The following TAS2R1 variants were observed in gnomAD, a reference collection of about 807,000 sequenced individuals.
TAS2R1 encodes the protein taste receptor type 2 member 1.
For missense variants in TAS2R1, 370 were observed against 353.4 expected (o/e 1.05, Z -0.38); for synonymous variants, 141 against 134.2 (o/e 1.05, Z -0.35).
At chr5:9,655,634 T>C (rs1740402153) in intron 2 of TAS2R1, among the ~76,000 whole-genome samples, 1 of 152,102 alleles carries the variant, frequency 6.6e-6, no homozygotes, top group Admixed American at 6.5e-5. Flanking sequence ...GGCTAATATA[T>C]CTCTAATGTA....
At chr5:9,726,504 T>C in the TAS2R1 span, among the ~76,000 whole-genome samples, 1 of 152,284 alleles carries the variant, frequency 6.6e-6, no homozygotes, top group Non-Finnish European at 1.5e-5. Flanking sequence ...GCAATAAATC[T>C]TGCTGCTGCT....
chr5:9,688,648 G>C (rs1270415595), intron 1 of TAS2R1, among the ~76,000 whole-genome samples: 1 of 152,112 alleles, frequency 6.6e-6, no homozygotes, highest in African/African-American at 2.4e-5. Flanking sequence ...GGCCTCCAAA[G>C]TGTCCCCAGC....
At chr5:9,899,436 A>C in the TAS2R1 span, among the ~76,000 whole-genome samples, 1 of 152,272 alleles carries the variant, frequency 6.6e-6, no homozygotes, top group Non-Finnish European at 1.5e-5. Flanking sequence ...CAGGAGTTCA[A>C]GACCAGCCTA....
the TAS2R1 span, among the ~76,000 whole-genome samples, chr5:9,815,341 G>A: frequency 2.6e-5 from 4 of 152,272 alleles, no homozygotes; most frequent in South Asian, 8.3e-4. Context: ...CTGAAGTCTT[G>A]GGCTTAGATG....
the TAS2R1 span, among the ~76,000 whole-genome samples, chr5:9,893,381 T>C: frequency 6.6e-6 from 1 of 152,136 alleles, no homozygotes; most frequent in African/African-American, 2.4e-5. Context: ...TCCATGAGTC[T>C]TTCAGTCTGT....
At chr5:9,896,276 T>G in the TAS2R1 span, among the ~76,000 whole-genome samples, 1 of 152,170 alleles carries the variant, frequency 6.6e-6, no homozygotes, top group African/African-American at 2.4e-5. Context: ...CTAATAGTAT[T>G]TGTTTAGTAA....
rs145857461 is a variant in TAS2R1, at chr5:9,629,854, A to C, written c.179T>G (p.Leu60Trp). 9 of 1,613,486 alleles carry C rather than the reference A, an allele frequency of 5.6e-6. No individual in the cohort carries two copies. In the Admixed American group the frequency reaches 1.0e-4, roughly 18 times the overall value. Residue 60 changes from leucine (L) to tryptophan (W), a missense_variant, in exon 1 of 1, where the codon TTG (leucine) becomes TGG (tryptophan). Physicochemically the swap from Leu to Trp is moderately conservative, Grantham distance 61. Transcript: ENST00000382492. ...CLAVSRIFLQLFIFYVNVIVI... is the reference protein window; with the variant it reads ...CLAVSRIFLQWFIFYVNVIVI... ...AATCACATTAACGTAGAAGATGAACAACTGCAGAAAAATTCTAGAAACTGC... is the reference window on the plus strand; with the variant it reads ...AATCACATTAACGTAGAAGATGAACCACTGCAGAAAAATTCTAGAAACTGC...
At chr5:9,695,288 CAAT>C (rs1419312241) in intron 1 of TAS2R1, among the ~76,000 whole-genome samples, 1 of 152,036 alleles carries the variant, frequency 6.6e-6, no homozygotes, top group Non-Finnish European at 1.5e-5. Context: ...ATTCCCTTCT[CAAT>C]AAAATAATGT....
chr5:9,755,336 C>A, the TAS2R1 span, among the ~76,000 whole-genome samples: 88 of 152,038 alleles, frequency 5.8e-4, no homozygotes, highest in African/African-American at 1.9e-3. Flanking sequence ...GCCTGTAATC[C>A]CAGCACTTTG....
At chr5:9,792,420 A>G in the TAS2R1 span, among the ~76,000 whole-genome samples, 1 of 152,320 alleles carries the variant, frequency 6.6e-6, no homozygotes, top group Non-Finnish European at 1.5e-5. Flanking sequence ...GATTACTGGG[A>G]GAAGTAGGCT....
chr5:9,726,057 C>T, the TAS2R1 span, among the ~76,000 whole-genome samples: 4 of 150,986 alleles, frequency 2.6e-5, no homozygotes, highest in African/African-American at 7.2e-5. Flanking sequence ...CACCAATCGA[C>T]ACCCTGTATC....
chr5:9,829,365 G>C, the TAS2R1 span, among the ~76,000 whole-genome samples: 1 of 152,082 alleles, frequency 6.6e-6, no homozygotes, highest in African/African-American at 2.4e-5. Flanking sequence ...ACACAGAAGG[G>C]GGAAAAGAAT....
chr5:9,698,452 A>C (rs1340253476), intron 1 of TAS2R1, among the ~76,000 whole-genome samples: 2 of 152,138 alleles, frequency 1.3e-5, no homozygotes, highest in African/African-American at 4.8e-5. Flanking sequence ...GCATCCCAAA[A>C]TTCCTGAGCG....
rs572345288 is a variant in TAS2R1, at chr5:9,685,733, G to A, written c.-241-26152C>T. Among the ~76,000 whole-genome samples the A allele has an allele frequency of 3.9e-5, 6 of 152,310 alleles. No homozygotes were observed. In the South Asian group the frequency reaches 1.2e-3, roughly 32 times the overall value. On this transcript the variant is annotated intron_variant, in intron 1 of 2. Coordinates refer to the TAS2R1 transcript ENST00000506620. ...GTATGGCACACTATATAGTGTCCAGGGAAGACTGCAAAGTATTTCTATACC... is the reference window on the plus strand; with the variant it reads ...GTATGGCACACTATATAGTGTCCAGAGAAGACTGCAAAGTATTTCTATACC...
the TAS2R1 span, among the ~76,000 whole-genome samples, chr5:9,728,572 TAGA>T: frequency 6.6e-6 from 1 of 152,200 alleles, no homozygotes; most frequent in Non-Finnish European, 1.5e-5. Flanking sequence ...CCCAAATGTA[TAGA>T]AGGCTTGCCC....
At chr5:9,649,964 T>G (rs541138335) in intron 2 of TAS2R1, among the ~76,000 whole-genome samples, 7 of 152,292 alleles carry the variant, frequency 4.6e-5, no homozygotes, top group African/African-American at 1.7e-4. Context: ...TGCAGGTAAA[T>G]TTCCAATTAA....
At chr5:9,777,684 C>T in the TAS2R1 span, among the ~76,000 whole-genome samples, 1 of 152,194 alleles carries the variant, frequency 6.6e-6, no homozygotes, top group African/African-American at 2.4e-5. Context: ...ATTTGCTTTG[C>T]CCAGATCCAT....
the TAS2R1 span, among the ~76,000 whole-genome samples, chr5:9,745,920 A>T: frequency 2.0e-5 from 3 of 152,218 alleles, no homozygotes; most frequent in Non-Finnish European, 4.4e-5. Context: ...GACAAATGGG[A>T]TCTAATCAAA....
the TAS2R1 span, among the ~76,000 whole-genome samples, chr5:9,754,778 T>C: frequency 6.6e-6 from 1 of 152,180 alleles, no homozygotes; most frequent in African/African-American, 2.4e-5. Context: ...TCCACGCTCA[T>C]GGGTAGGAAG....
Sources: gnomAD v4.1 joint callset for allele counts (sites outside exome capture counted in the v4.1 genomes callset) on GRCh38, gnomAD v4.1.1 for gene constraint, MANE v1.5 for transcripts, NCBI Gene and HGNC (gene_info 2026-07-23, HGNC 2026-07-21) for gene names.